Variants in RB1 observed in about 807,000 individuals in gnomAD.
The protein encoded by RB1 is RB transcriptional corepressor 1, also known as retinoblastoma-associated protein.
RB1 carries 18 observed loss-of-function variants against 135.4 expected under a neutral mutation model. The observed-to-expected ratio is 0.13, with a 90% CI of 0.09 to 0.20. The LOEUF is 0.20. Ranked by LOEUF, RB1 falls within the 10% of genes least tolerant of loss-of-function variation. The pLI is 1.00. For synonymous variants in RB1, 365 were observed against 373.2 expected (o/e 0.98, Z 0.25); for missense variants, 868 against 1,110.0 (o/e 0.78, Z 3.10).
At chr13:48,307,775 A>G (rs569659520) in intron 2 of RB1, among the ~76,000 whole-genome samples, 1 of 151,506 alleles carries the variant, frequency 6.6e-6, no homozygotes, top group South Asian at 2.1e-4. Flanking sequence ...AGGCAGGAGA[A>G]TTGCTTGAAC....
chr13:48,474,384 C>G (rs1949491351), intron 24 of RB1, among the ~76,000 whole-genome samples: 1 of 152,134 alleles, frequency 6.6e-6, no homozygotes, highest in Non-Finnish European at 1.5e-5. Flanking sequence ...TCACCCTTAT[C>G]ACACATGAAA....
At chr13:48,476,643 GCTAA>G in intron 24 of RB1, 54 bp from the exon 25 acceptor site, 5 of 1,559,530 alleles carry the variant, frequency 3.2e-6, no homozygotes, top group Non-Finnish European at 4.4e-6. Context: ...ACTTGAGGTT[GCTAA>G]CTATGAAACA....
chr13:48,458,509 C>G (rs986884861), intron 19 of RB1, among the ~76,000 whole-genome samples: 57 of 152,162 alleles, frequency 3.7e-4, no homozygotes, highest in Admixed American at 3.6e-3. Context: ...TTCAAAGTGT[C>G]GTTCCCAACC....
chr13:48,320,791 ACT>A (rs1952228445), intron 2 of RB1, among the ~76,000 whole-genome samples: 1 of 151,680 alleles, frequency 6.6e-6, no homozygotes. Context: ...AGATCGCCCC[ACT>A]GCTCTCCAGC....
chr13:48,411,950 G>T lies in RB1; in HGVS notation c.1695+30507G>T, dbSNP rs758875706. ...CTTCTGAGGCATTGTTACCCTGAGA[G>T]TGGGTAGACTGAACAAAAACGGCGG... is the stretch of plus-strand genomic sequence containing the variant. On this transcript the variant is annotated intron_variant, in intron 17 of 26. Transcript: ENST00000267163. 2.5e-5 allele frequency: 40 copies of T among 1,612,452 alleles called. No individual in the cohort carries two copies. The highest frequency in any genetic ancestry group is 3.1e-5 in the Non-Finnish European group (36 of 1,179,140).
chr13:48,390,425 A>G (rs147951773), intron 17 of RB1, among the ~76,000 whole-genome samples: 271 of 152,278 alleles, frequency 1.8e-3, no homozygotes, highest in African/African-American at 5.9e-3. Context: ...CCAAGGAGCC[A>G]GAAAGTACAG....
chr13:48,436,634 A>G (rs1566226507), intron 17 of RB1, among the ~76,000 whole-genome samples: 1 of 143,896 alleles, frequency 6.9e-6, no homozygotes, highest in Admixed American at 6.9e-5. Context: ...CAAGAGCAAG[A>G]CTCTCTCTTA....
chr13:48,362,486 A>G (rs1952652546), intron 7 of RB1, among the ~76,000 whole-genome samples: 1 of 151,714 alleles, frequency 6.6e-6, no homozygotes, highest in Admixed American at 6.5e-5. Context: ...ACTCTAGGAC[A>G]GAAAACTTTT....
chr13:48,342,541 T>C (rs768033502), intron 2 of RB1, 58 bp from the exon 3 acceptor site: 4 of 1,036,178 alleles, frequency 3.9e-6, no homozygotes, highest in Non-Finnish European at 6.1e-6. Context: ...AGTTTTAACA[T>C]AGTATCCAGT....
intron 2 of RB1, among the ~76,000 whole-genome samples, chr13:48,334,563 A>G (rs758197338): frequency 6.6e-6 from 1 of 151,420 alleles, no homozygotes; most frequent in Non-Finnish European, 1.5e-5. Context: ...ACAAAAGCAC[A>G]TGTTTCTTAT....
At chr13:48,340,340 C>G (rs1952431274) in intron 2 of RB1, among the ~76,000 whole-genome samples, 1 of 151,992 alleles carries the variant, frequency 6.6e-6, no homozygotes, top group African/African-American at 2.4e-5. Context: ...TTATGGAAGT[C>G]AAAACACAAG....
intron 1 of RB1, among the ~76,000 whole-genome samples, chr13:48,306,222 A>G (rs1050381223): frequency 3.3e-5 from 5 of 152,204 alleles, no homozygotes; most frequent in African/African-American, 4.8e-5. Context: ...CTGGGCAACA[A>G]AACAAGACCC....
intron 17 of RB1, among the ~76,000 whole-genome samples, chr13:48,393,652 G>A (rs980764257): frequency 6.6e-6 from 1 of 152,128 alleles, no homozygotes; most frequent in African/African-American, 2.4e-5. Context: ...AATATTTAGG[G>A]TATCATTTCC....
chr13:48,367,752 G>T (rs1338940519), intron 10 of RB1, 149 bp downstream of exon 10: 88 of 906,340 alleles, frequency 9.7e-5, no homozygotes, highest in Middle Eastern at 3.7e-4. Flanking sequence ...AAGTTTAACA[G>T]TATTTTAAGC....
Position 48,305,263 on chromosome 13 carries a change from G to A in RB1, c.137+1214G>A, listed in dbSNP as rs4151420. ...AATTCACGGCAGAAAAGATTGAAGT[G>A]GGATTTAGGAAATGGCCCCTGGAAG... On this transcript the variant is annotated intron_variant, in intron 1 of 26. Transcript: ENST00000267163. 5.5e-3 allele frequency among the ~76,000 whole-genome samples: 838 copies of A among 152,236 alleles called. 5 individuals carry two copies. Among genetic ancestry groups the A allele is most frequent in the Middle Eastern group, 0.01 (3 of 294 alleles).
intron 17 of RB1, among the ~76,000 whole-genome samples, chr13:48,437,250 A>T (rs971333926): frequency 6.6e-6 from 1 of 152,226 alleles, no homozygotes; most frequent in African/African-American, 2.4e-5. Context: ...TTGAGTAGAT[A>T]AGTAATAACA....
At chr13:48,388,655 A>G (rs1948588370) in intron 17 of RB1, among the ~76,000 whole-genome samples, 1 of 152,194 alleles carries the variant, frequency 6.6e-6, no homozygotes, top group African/African-American at 2.4e-5. Flanking sequence ...CAAAGCTATT[A>G]ATCCTTATGC....
intron 17 of RB1, among the ~76,000 whole-genome samples, chr13:48,394,237 C>G (rs1481642741): frequency 6.6e-6 from 1 of 152,194 alleles, no homozygotes; most frequent in East Asian, 1.9e-4. Context: ...CTATGCTTTT[C>G]CCACAGTCTT....
At chr13:48,459,326 A>T (rs4151594) in intron 19 of RB1, among the ~76,000 whole-genome samples, 1,664 of 152,278 alleles carry the variant, frequency 0.011, 28 homozygotes, top group African/African-American at 0.037. Flanking sequence ...TTTTTAAAAA[A>T]ACTCATGCCT....
Sources: gnomAD v4.1 joint callset for allele counts (sites outside exome capture counted in the v4.1 genomes callset) on GRCh38, gnomAD v4.1.1 for gene constraint, MANE v1.5 for transcripts, NCBI Gene and HGNC (gene_info 2026-07-23, HGNC 2026-07-21) for gene names.